Variants in LDLRAD4 observed in about 807,000 individuals in gnomAD.
LDLRAD4 encodes the protein low-density lipoprotein receptor class A domain-containing protein 4.
Under a neutral mutation model 17.0 loss-of-function variants are expected in LDLRAD4, and 5 were observed. That is an observed-to-expected ratio of 0.29 (90% CI 0.15 to 0.62). LDLRAD4 has a LOEUF of 0.62. Among genes scored for constraint, LDLRAD4 ranks in the 20% least tolerant of loss-of-function variants. LDLRAD4 has a pLI of 0.84. For missense variants in LDLRAD4, 340 were observed against 424.7 expected, an observed-to-expected ratio of 0.80 and a Z score of 1.75; for synonymous variants, 168 against 171.8, an observed-to-expected ratio of 0.98 and a Z score of 0.17.
At chr18:13,561,064 A>T (rs200192516) in intron 3 of LDLRAD4, among the ~76,000 whole-genome samples, 1 of 152,208 alleles carries the variant, frequency 6.6e-6, no homozygotes, top group Non-Finnish European at 1.5e-5. Context: ...TTGGCTTATG[A>T]TGTGTCACTT....
At chr18:13,425,557 C>T (rs1287129816) in intron 2 of LDLRAD4, among the ~76,000 whole-genome samples, 50 of 152,188 alleles carry the variant, frequency 3.3e-4, no homozygotes, top group Non-Finnish European at 1.2e-4. Flanking sequence ...GTCGGGGCTC[C>T]AGATGAGAGC....
At chr18:13,382,089 G>A (rs898295790) in intron 1 of LDLRAD4, among the ~76,000 whole-genome samples, 6 of 152,198 alleles carry the variant, frequency 3.9e-5, no homozygotes, top group Admixed American at 1.3e-4. Context: ...CCGACATTCC[G>A]CCAGCGAAAC....
chr18:13,285,000 C>CCGT (rs2045534922), intron 1 of LDLRAD4, among the ~76,000 whole-genome samples: 1 of 152,210 alleles, frequency 6.6e-6, no homozygotes, highest in African/African-American at 2.4e-5. Flanking sequence ...TGTGAGACGA[C>CCGT]CTCCCCTTGA....
chr18:13,331,958 C>T (rs1034161534), intron 1 of LDLRAD4, among the ~76,000 whole-genome samples: 2 of 152,242 alleles, frequency 1.3e-5, no homozygotes, highest in African/African-American at 2.4e-5. Flanking sequence ...GCCTCAGCCT[C>T]CCAAGTAGCT....
rs561028599 is a variant in LDLRAD4, at chr18:13,506,344, A to G, written c.181+67960A>G. Reference sequence around the variant, plus strand: ...CATTAACTCGTCATTTACATTAGGTATATCTCCTAATGCCATCCCTCCCCC... The same window carrying G: ...CATTAACTCGTCATTTACATTAGGTGTATCTCCTAATGCCATCCCTCCCCC... On this transcript the variant is annotated intron_variant, in intron 3 of 5. Coordinates refer to ENST00000359446, the Ensembl canonical transcript of LDLRAD4. Among the ~76,000 whole-genome samples the G allele has an allele frequency of 3.5e-3, 511 of 148,050 alleles. 3 individuals are homozygous for G. The highest frequency in any genetic ancestry group is 4.9e-3 in the South Asian group (22 of 4,496).
chr18:13,217,882 C>G (rs2041244791), upstream of LDLRAD4: 1 of 151,490 alleles, frequency 6.6e-6, no homozygotes, highest in African/African-American at 2.4e-5. The surrounding 1 kb of genome is among the most constrained non-coding windows in gnomAD (Gnocchi z 4.9). Context: ...CTGCGGGTGC[C>G]TGGGAAAGTG....
At chr18:13,290,413 T>C (rs2146397297) in intron 1 of LDLRAD4, among the ~76,000 whole-genome samples, 1 of 152,368 alleles carries the variant, frequency 6.6e-6, no homozygotes, top group South Asian at 2.1e-4. Context: ...TCTTAACTTA[T>C]TCTGGGTAAA....
chr18:13,612,413 C>A (rs1041418293), intron 3 of LDLRAD4: 2 of 1,232,822 alleles, frequency 1.6e-6, no homozygotes, highest in Non-Finnish European at 2.0e-6. Flanking sequence ...CGCAGAGCTC[C>A]TGGTTTCTGT....
intron 2 of LDLRAD4, among the ~76,000 whole-genome samples, chr18:13,404,671 G>T (rs991121780): frequency 3.3e-5 from 5 of 151,950 alleles, no homozygotes; most frequent in Non-Finnish European, 7.4e-5. Flanking sequence ...AGTGGTGAGT[G>T]CCTGTAGTCC....
intron 1 of LDLRAD4, among the ~76,000 whole-genome samples, chr18:13,251,026 T>G (rs1177819778): frequency 6.6e-6 from 1 of 152,160 alleles, no homozygotes; most frequent in African/African-American, 2.4e-5. Context: ...AGCTAGTACA[T>G]GATGATTGAA....
chr18:13,404,371 C>T (rs1014074274), intron 2 of LDLRAD4, among the ~76,000 whole-genome samples: 7 of 152,146 alleles, frequency 4.6e-5, no homozygotes, highest in African/African-American at 7.2e-5. Flanking sequence ...ACGGTGTGGC[C>T]GCAGCCTGGC....
chr18:13,387,488 C>G, exon 2 of LDLRAD4: 1 of 470,360 alleles, frequency 2.1e-6, no homozygotes, highest in Non-Finnish European at 3.8e-6. Context: ...GCCATGGCCT[C>G]CGCGCCCTGG....
At chr18:13,262,346 G>C (rs1469106012) in intron 1 of LDLRAD4, among the ~76,000 whole-genome samples, 2 of 141,622 alleles carry the variant, frequency 1.4e-5, no homozygotes, top group African/African-American at 5.7e-5. Flanking sequence ...GGCTCTGTGC[G>C]TGGGGGCTGA....
chr18:13,513,509 T>TGG (rs1333317738), intron 3 of LDLRAD4, among the ~76,000 whole-genome samples: 1 of 152,250 alleles, frequency 6.6e-6, no homozygotes, highest in Non-Finnish European at 1.5e-5. Context: ...AATGCAAACT[T>TGG]CAGGAGCTTC....
At chr18:13,388,034 G>T (rs564207309) in intron 2 of LDLRAD4, among the ~76,000 whole-genome samples, 2 of 152,300 alleles carry the variant, frequency 1.3e-5, no homozygotes, top group African/African-American at 4.8e-5. Context: ...TATTCGCAGC[G>T]TCTTCCAAGT....
At chr18:13,324,286 T>C (rs1188236913) in intron 1 of LDLRAD4, among the ~76,000 whole-genome samples, 2 of 150,372 alleles carry the variant, frequency 1.3e-5, no homozygotes, top group African/African-American at 4.9e-5. Context: ...TACAGGTGCC[T>C]GCCACCACAC....
At chr18:13,298,369 T>C (rs2046386757) in intron 1 of LDLRAD4, among the ~76,000 whole-genome samples, 3 of 150,532 alleles carry the variant, frequency 2.0e-5, no homozygotes, top group South Asian at 2.1e-4. Context: ...GTGGAGCTGC[T>C]CTGGGCACAG....
At chr18:13,542,156 G>A (rs950417900) in intron 3 of LDLRAD4, 9 of 152,248 alleles carry the variant, frequency 5.9e-5, no homozygotes, top group African/African-American at 1.9e-4. Context: ...GCTGGCTGTT[G>A]TGTAGTTTAT....
chr18:13,432,125 T>C (rs1207113281), intron 2 of LDLRAD4, among the ~76,000 whole-genome samples: 1 of 152,216 alleles, frequency 6.6e-6, no homozygotes, highest in Non-Finnish European at 1.5e-5. Flanking sequence ...CACCTTGCAC[T>C]GCAGGTTTCC....
Sources: allele counts gnomAD v4.1 joint callset (sites outside exome capture counted in the v4.1 genomes callset), GRCh38; gene constraint gnomAD v4.1.1; non-coding constraint Gnocchi (gnomAD v3.1); transcripts MANE v1.5; gene names NCBI Gene and HGNC (gene_info 2026-07-23, HGNC 2026-07-21).